Variants in MGLL observed in about 807,000 individuals in gnomAD.
The protein encoded by MGLL is lysophospholipase homolog.
A neutral mutation model predicts 29.1 loss-of-function variants in MGLL; 7 were observed. That is an observed-to-expected ratio of 0.24 (90% CI 0.14 to 0.45). MGLL has a LOEUF of 0.45. MGLL is among the 20% of genes least tolerant of loss of function. The pLI is 0.99. For synonymous variants in MGLL, 148 were observed against 168.3 expected (o/e 0.88, Z 0.93); for missense variants, 356 against 413.6 (o/e 0.86, Z 1.21).
chr3:127,756,858 G>C (rs1475695001), intron 3 of MGLL, among the ~76,000 whole-genome samples: 1 of 152,192 alleles, frequency 6.6e-6, no homozygotes, highest in African/African-American at 2.4e-5. Context: ...CACCATGGCT[G>C]CTACCCTTGA....
rs7644349 is a variant in MGLL, at chr3:127,693,926, C to T, written c.816+1049G>A. ...GCAAGGGTTCACATTGGTGTAAGGG[C>T]GGTCTCAGTGATGCTCTCATGGATG... On this transcript the variant is annotated intron_variant, in intron 7 of 7. Coordinates refer to ENST00000265052, the MANE Select transcript of MGLL (RefSeq NM_007283.7). Among the ~76,000 whole-genome samples, 1,107 of 152,272 alleles carry T rather than the reference C, an allele frequency of 7.3e-3. 17 individuals are homozygous for T. The highest frequency in any genetic ancestry group is 0.025 in the African/African-American group (1,047 of 41,548).
intron 6 of MGLL, among the ~76,000 whole-genome samples, chr3:127,701,108 C>T (rs371000942): frequency 4.1e-5 from 6 of 146,538 alleles, no homozygotes; most frequent in African/African-American, 1.0e-4. Flanking sequence ...CCAGCTACTG[C>T]GGGGGCTGAG....
At chr3:127,708,987 T>C (rs2075657991) in intron 6 of MGLL, among the ~76,000 whole-genome samples, 1 of 152,260 alleles carries the variant, frequency 6.6e-6, no homozygotes, top group Non-Finnish European at 1.5e-5. Flanking sequence ...TCTCTGCCCC[T>C]GACTAGTTGT....
chr3:127,694,441 GCTGT>G (rs1306623326), intron 7 of MGLL, among the ~76,000 whole-genome samples: 6 of 151,068 alleles, frequency 4.0e-5, no homozygotes, highest in Non-Finnish European at 7.4e-5. Context: ...ATATAGTCTT[GCTGT>G]CTAATATTCC....
chr3:127,722,329 G>A, intron 4 of MGLL, 101 bp downstream of exon 4: 1 of 1,509,494 alleles, frequency 6.6e-7, no homozygotes, highest in East Asian at 2.3e-5. Flanking sequence ...ATGCCAGCCA[G>A]GCAGAGAGCA....
intron 3 of MGLL, among the ~76,000 whole-genome samples, chr3:127,744,611 C>T (rs1436519932): frequency 6.6e-6 from 1 of 152,178 alleles, no homozygotes; most frequent in Non-Finnish European, 1.5e-5. Context: ...TGGGGAGAGG[C>T]TTTTGCCACT....
intron 3 of MGLL, among the ~76,000 whole-genome samples, chr3:127,727,293 G>A (rs753290819): frequency 2.0e-5 from 3 of 152,256 alleles, no homozygotes; most frequent in Admixed American, 6.5e-5. Flanking sequence ...CAATGCCACC[G>A]AGGTGCCTTT....
intron 3 of MGLL, among the ~76,000 whole-genome samples, chr3:127,741,915 T>G (rs1264849813): frequency 6.6e-6 from 1 of 151,894 alleles, no homozygotes; most frequent in Non-Finnish European, 1.5e-5. Context: ...TGACTTACAC[T>G]GACTGTATAA....
chr3:127,740,234 C>T (rs2076314403), intron 3 of MGLL, among the ~76,000 whole-genome samples: 1 of 152,228 alleles, frequency 6.6e-6, no homozygotes, highest in Non-Finnish European at 1.5e-5. Context: ...TGGCATGAAG[C>T]TCGTTCACAC....
chr3:127,813,805 G>C (rs552813670), intron 2 of MGLL, among the ~76,000 whole-genome samples: 22 of 152,130 alleles, frequency 1.4e-4, no homozygotes, highest in Admixed American at 4.6e-4. Flanking sequence ...CCCCTTTGAT[G>C]TCAAAAGCCC....
Position 127,761,246 on chromosome 3 carries a change from A to G in MGLL, c.262+20543T>C, listed in dbSNP as rs1160240405. 3.3e-5 allele frequency among the ~76,000 whole-genome samples: 5 copies of G among 152,068 alleles called. No individual in the cohort carries two copies. The highest frequency in any genetic ancestry group is 1.2e-4 in the African/African-American group (5 of 41,412). ...TCAAGGGGCCCACCGCCTGGGAGGG[A>G]TTTCTGGGGTGCTGATGACCAGACT... On this transcript the variant is annotated intron_variant, in intron 3 of 7. Transcript: ENST00000265052. This position sits in a 1 kb window ranked among gnomAD's most constrained non-coding sequence, Gnocchi z 4.6.
At chr3:127,739,298 C>T (rs2076295484) in intron 3 of MGLL, among the ~76,000 whole-genome samples, 1 of 152,164 alleles carries the variant, frequency 6.6e-6, no homozygotes, top group Non-Finnish European at 1.5e-5. Context: ...AAAGTCCCCA[C>T]CTCTCTGGCT....
intron 4 of MGLL, among the ~76,000 whole-genome samples, chr3:127,721,826 C>CAGTTCAATAT (rs1479113920): frequency 1.3e-5 from 2 of 151,064 alleles, no homozygotes; most frequent in East Asian, 3.9e-4. Flanking sequence ...CAAATTCAAG[C>CAGTTCAATAT]AGTTCAATAT....
chr3:127,709,938 T>C (rs1032066356), intron 6 of MGLL, among the ~76,000 whole-genome samples: 1 of 152,308 alleles, frequency 6.6e-6, no homozygotes, highest in East Asian at 1.9e-4. Flanking sequence ...GCTACCACTA[T>C]TCTGAGTTAC....
rs902160980 is a variant in MGLL at position 127,689,467 on chromosome 3, A to C, written c.*2731T>G. 5 of 152,318 alleles carry C rather than the reference A, an allele frequency of 3.3e-5. No individual in the cohort carries two copies. The highest frequency in any genetic ancestry group is 1.2e-4 in the African/African-American group (5 of 41,444). The allele number at this position is 152,318 out of a possible 1,614,324, so 9.4% of individuals were successfully genotyped here. ...TAGGGTTGCGGCTGTCACTGGCTAC[A>C]GGCGGCATCTTTCTGTAAAAAGCTT... is the stretch of plus-strand genomic sequence containing the variant. On this transcript the variant is annotated 3_prime_UTR_variant, in exon 8 of 8. Transcript: ENST00000265052.
chr3:127,822,842 G>A, upstream of MGLL: 1 of 166,256 alleles, frequency 6.0e-6, no homozygotes, highest in South Asian at 1.6e-4. Context: ...GGGAAGGTGG[G>A]GACTAGAAAG....
intron 3 of MGLL, among the ~76,000 whole-genome samples, chr3:127,750,619 G>A (rs1375777259): frequency 8.6e-6 from 1 of 115,690 alleles, no homozygotes; most frequent in Non-Finnish European, 1.9e-5. Flanking sequence ...TCCACTCCCG[G>A]GCAAACGCAC....
At chr3:127,716,013 C>T (rs477554) in intron 5 of MGLL, 167,924 of 358,162 alleles carry the variant, frequency 0.47, 39,975 homozygotes, top group Non-Finnish European at 0.51. Context: ...TGAGACCCCC[C>T]GCACCTGCCC....
intron 3 of MGLL, among the ~76,000 whole-genome samples, chr3:127,780,359 TA>T (rs1339530561): frequency 2.0e-5 from 3 of 152,178 alleles, no homozygotes; most frequent in Non-Finnish European, 4.4e-5. Context: ...ATGATGAGTG[TA>T]ACAAATTTTA....
Sources: allele counts gnomAD v4.1 joint callset (sites outside exome capture counted in the v4.1 genomes callset), GRCh38; gene constraint gnomAD v4.1.1; non-coding constraint Gnocchi (gnomAD v3.1); transcripts MANE v1.5; gene names NCBI Gene and HGNC (gene_info 2026-07-23, HGNC 2026-07-21).